LRP5: variants seen among roughly 807,000 people sequenced by gnomAD.
LRP5 encodes the protein LDL receptor related protein 5.
Under a neutral mutation model 154.1 loss-of-function variants are expected in LRP5, and 62 were observed. That is an observed-to-expected ratio of 0.40 (90% CI 0.33 to 0.50). LRP5 has a LOEUF of 0.50. Ranked by LOEUF, LRP5 falls within the 20% of genes least tolerant of loss-of-function variation. The pLI, the probability that LRP5 is intolerant of heterozygous loss-of-function variation, is 0.55. For synonymous variants in LRP5, 966 were observed against 1,011.5 expected, an observed-to-expected ratio of 0.96 and a Z score of 0.85; for missense variants, 1,915 against 2,336.7, an observed-to-expected ratio of 0.82 and a Z score of 3.72.
chr11:68,298,590 A>G, the LRP5 span, among the ~76,000 whole-genome samples: 2 of 152,156 alleles, frequency 1.3e-5, no homozygotes, highest in African/African-American at 4.8e-5. Flanking sequence ...CACTGCGCCA[A>G]TGCCCCGGCA....
chr11:68,405,378 G>A (rs1046754213), intron 8 of LRP5, among the ~76,000 whole-genome samples: 3 of 151,066 alleles, frequency 2.0e-5, no homozygotes, highest in Non-Finnish European at 4.4e-5. Context: ...GGCTGACGTG[G>A]CAGGATCACC....
At chr11:68,442,373 C>A (rs1037457088) in intron 21 of LRP5, among the ~76,000 whole-genome samples, 1 of 152,222 alleles carries the variant, frequency 6.6e-6, no homozygotes, top group Admixed American at 6.5e-5. Context: ...CTCCTGGGCT[C>A]AAGCGATTCT....
At chr11:68,425,844 GC>G (rs2098668458) in intron 15 of LRP5, 133 bp from the exon 16 acceptor site, 2 of 782,714 alleles carry the variant, frequency 2.6e-6, no homozygotes, top group African/African-American at 3.4e-5. Flanking sequence ...CTCTGCTGCA[GC>G]TCCCACCCCT....
chr11:68,439,833 G>A lies in LRP5; in HGVS notation c.4405G>A (p.Gly1469Arg), dbSNP rs188909481. The part of the protein sequence containing the change: ...SSVSLMGGRG[G>R]VPLYDRNHVT... ...CGTGAGCCTGATGGGGGGCCGGGGC[G>A]GGGTGCCCCTCTACGACCGGAACCA... Residue 1469 changes from glycine to arginine, a missense_variant, in exon 21 of 23, where the codon GGG becomes AGG. This residue lies in a region of LRP5 where 1,094 missense variants were observed against 1,210.1 expected (regional missense o/e 0.90). Coordinates refer to ENST00000294304, the MANE Select transcript of LRP5 (RefSeq NM_002335.4). 705 of 1,611,196 alleles carry A rather than the reference G, an allele frequency of 4.4e-4. 3 individuals carry two copies. The highest frequency in any genetic ancestry group is 3.4e-5 in the Non-Finnish European group (40 of 1,179,524).
chr11:68,340,900 T>G (rs2098608550), intron 1 of LRP5, among the ~76,000 whole-genome samples: 1 of 152,170 alleles, frequency 6.6e-6, no homozygotes, highest in South Asian at 2.1e-4. Context: ...TGCCATTCAT[T>G]CTAGTAGAAA....
intron 11 of LRP5, among the ~76,000 whole-genome samples, chr11:68,412,051 C>T (rs2098659892): frequency 6.6e-6 from 1 of 152,168 alleles, no homozygotes; most frequent in Admixed American, 6.5e-5. Context: ...AGCCCTGAAC[C>T]CCACCATGTG....
At chr11:68,370,363 G>C (rs559031893) in intron 5 of LRP5, among the ~76,000 whole-genome samples, 11 of 152,208 alleles carry the variant, frequency 7.2e-5, no homozygotes, top group African/African-American at 2.6e-4. Context: ...GGGGGAGAGG[G>C]GGGGACAGGC....
At chr11:68,392,051 GTGCCCAAGC>G (rs140630173) in intron 7 of LRP5, among the ~76,000 whole-genome samples, 2,276 of 152,194 alleles carry the variant, frequency 0.015, 29 homozygotes, top group Non-Finnish European at 0.023. Flanking sequence ...TTTCGCTGTG[GTGCCCAAGC>G]TGATCTCAAA....
chr11:68,355,265 C>T (rs1407781119), intron 2 of LRP5, among the ~76,000 whole-genome samples: 1 of 152,182 alleles, frequency 6.6e-6, no homozygotes, highest in Non-Finnish European at 1.5e-5. Flanking sequence ...GGATCACTCT[C>T]ATGCCTGGCT....
rs1019650000 is a variant in LRP5, at chr11:68,443,911, G to A, written c.4489-2525G>A. On this transcript the variant is annotated intron_variant, in intron 21 of 22. Coordinates refer to ENST00000294304, the MANE Select transcript of LRP5 (RefSeq NM_002335.4). ...CGACCTCAGGTGATCCACCCACCTC[G>A]GCCTCCCAAAGTGCTGGGATTACAG... Among the ~76,000 whole-genome samples the A allele has an allele frequency of 1.6e-4, 25 of 151,574 alleles. 1 individual carries two copies. The highest frequency in any genetic ancestry group is 4.2e-4 in the South Asian group (2 of 4,800).
chr11:68,338,867 G>GTTTTTTTTTTTTTTTT (rs11382677), intron 1 of LRP5, among the ~76,000 whole-genome samples: 1 of 91,940 alleles, frequency 1.1e-5, no homozygotes, highest in Non-Finnish European at 1.9e-5. Context: ...CTTTTGTTTA[G>GTTTTTTTTTTTTTTTT]TTTTTTTTTT....
chr11:68,309,224 C>T (rs2098586109), upstream of LRP5, among the ~76,000 whole-genome samples: 1 of 147,732 alleles, frequency 6.8e-6, no homozygotes. Context: ...TGAGCCACCT[C>T]ATCTGGCCTT....
At chr11:68,409,857 A>T in intron 9 of LRP5, 57 bp from the exon 10 acceptor site, 1 of 1,421,956 alleles carries the variant, frequency 7.0e-7, no homozygotes, top group South Asian at 1.2e-5. Context: ...TCTCAAAAAA[A>T]AAAAAAAAGA....
intron 5 of LRP5, among the ~76,000 whole-genome samples, chr11:68,366,864 G>C (rs1020622782): frequency 6.6e-6 from 1 of 152,112 alleles, no homozygotes; most frequent in African/African-American, 2.4e-5. Context: ...TCATTCATTC[G>C]TTCATCCATC....
chr11:68,390,433 A>G (rs66787665), intron 7 of LRP5, among the ~76,000 whole-genome samples: 54,845 of 152,220 alleles, frequency 0.36, 10,766 homozygotes, highest in African/African-American at 0.49. Context: ...TAAGACAAAA[A>G]GTTAATCACA....
intron 21 of LRP5, among the ~76,000 whole-genome samples, chr11:68,441,260 T>C (rs1428771379): frequency 2.6e-5 from 4 of 151,984 alleles, no homozygotes; most frequent in East Asian, 1.9e-4. Flanking sequence ...ACATTTTTTG[T>C]AGAGATGAAG....
intron 1 of LRP5, among the ~76,000 whole-genome samples, chr11:68,337,549 C>G (rs2098606373): frequency 6.6e-6 from 1 of 152,150 alleles, no homozygotes. Context: ...GGAAGCCTGC[C>G]CAGTCTACCC....
At chr11:68,332,601 G>A (rs2098603515) in intron 1 of LRP5, among the ~76,000 whole-genome samples, 2 of 152,230 alleles carry the variant, frequency 1.3e-5, no homozygotes, top group African/African-American at 4.8e-5. Flanking sequence ...TCATCAGCTG[G>A]GTGTAGAGAC....
intron 6 of LRP5, 117 bp from the exon 7 acceptor site, chr11:68,389,764 A>G: frequency 1.0e-6 from 1 of 994,146 alleles, no homozygotes; most frequent in African/African-American, 1.6e-5. Context: ...ATTTACTGAC[A>G]TCAACATTTA....
Sources: allele counts gnomAD v4.1 joint callset (sites outside exome capture counted in the v4.1 genomes callset), GRCh38; gene constraint gnomAD v4.1.1; regional missense constraint gnomAD v4.1.1; transcripts MANE v1.5; gene names NCBI Gene and HGNC (gene_info 2026-07-23, HGNC 2026-07-21).